The following BLOC1S3 variants were observed in gnomAD, a reference collection of about 807,000 sequenced individuals.
The protein encoded by BLOC1S3 is biogenesis of lysosomal organelles complex 1 subunit 3.
In BLOC1S3, 7 loss-of-function variants were observed where a neutral mutation model predicts 9.1. The ratio of observed to expected loss-of-function variants is 0.77; its 90% CI spans 0.44 to 1.45. The LOEUF (loss-of-function observed/expected upper bound fraction) is 1.45. Among genes scored for constraint, BLOC1S3 ranks in the 40% most tolerant of loss-of-function variants. The pLI is 0.01. For missense variants in BLOC1S3, 307 were observed against 315.2 expected, an observed-to-expected ratio of 0.97 and a Z score of 0.20; for synonymous variants, 145 against 158.4, an observed-to-expected ratio of 0.92 and a Z score of 0.64.
intron 3 of BLOC1S3, among the ~76,000 whole-genome samples, chr19:45,206,848 TTTA>T (rs1969731487): frequency 6.6e-6 from 1 of 152,036 alleles, no homozygotes; most frequent in African/African-American, 2.4e-5. Flanking sequence ...ATTTTATTTA[TTTA>T]TTTATTTGAG....
chr19:45,214,288 C>T (rs1056813080), intron 3 of BLOC1S3, among the ~76,000 whole-genome samples: 3 of 152,146 alleles, frequency 2.0e-5, no homozygotes, highest in Non-Finnish European at 4.4e-5. Context: ...TCATGCCTCA[C>T]TCCTTGTTTT....
chr19:45,206,624 T>A (rs1302494829), intron 3 of BLOC1S3, among the ~76,000 whole-genome samples: 21 of 50,192 alleles, frequency 4.2e-4, no homozygotes, highest in Non-Finnish European at 5.8e-4. Flanking sequence ...CCTAGTTAAA[T>A]TTTTTTTTTT....
intron 3 of BLOC1S3, among the ~76,000 whole-genome samples, chr19:45,204,345 A>G (rs1170594561): frequency 2.6e-5 from 4 of 151,772 alleles, no homozygotes; most frequent in African/African-American, 7.3e-5. Flanking sequence ...ACCCACCACC[A>G]TGCCCCAGCT....
chr19:45,216,376 C>T lies in BLOC1S3; in HGVS notation n.283-300C>T, dbSNP rs543297028. Among the ~76,000 whole-genome samples the T allele has an allele frequency of 6.4e-4, 98 of 152,154 alleles. 1 individual carries two copies. The highest frequency in any genetic ancestry group is 1.2e-3 in the African/African-American group (50 of 41,526). On this transcript the variant is annotated intron_variant and non_coding_transcript_variant, in intron 3 of 3. Transcript: ENST00000591569. Reference sequence around the variant, plus strand: ...GGTGGATCACTAGAGGTCAGGACATCGAGACCAACCTGGCCAGTATGGTGA... The same window carrying T: ...GGTGGATCACTAGAGGTCAGGACATTGAGACCAACCTGGCCAGTATGGTGA...
chr19:45,182,859 A>C (rs1969536128), downstream of BLOC1S3, among the ~76,000 whole-genome samples: 1 of 152,084 alleles, frequency 6.6e-6, no homozygotes, highest in Non-Finnish European at 1.5e-5. Context: ...CACCATGATT[A>C]GAGCCATGAA....
downstream of BLOC1S3, among the ~76,000 whole-genome samples, chr19:45,185,462 C>T (rs985469401): frequency 4.6e-5 from 7 of 152,142 alleles, no homozygotes; most frequent in Non-Finnish European, 1.5e-5. Flanking sequence ...AACACATCAC[C>T]CTCAGATGTG....
intron 2 of BLOC1S3, among the ~76,000 whole-genome samples, chr19:45,189,596 CTT>C (rs71338753): frequency 0.011 from 1,223 of 115,966 alleles, 19 homozygotes; most frequent in African/African-American, 0.038. Flanking sequence ...CCAAGCCTGG[CTT>C]TTTTTTTTTT....
intron 2 of BLOC1S3, among the ~76,000 whole-genome samples, chr19:45,195,555 CTCCT>C (rs1373436914): frequency 7.0e-6 from 1 of 143,482 alleles, no homozygotes; most frequent in Non-Finnish European, 1.5e-5. Context: ...TCCTCCCTCC[CTCCT>C]TCCCTCCCTC....
In BLOC1S3 at chr19:45,179,908, A is replaced by C; in HGVS notation, c.*3A>C. 2 of 1,607,218 alleles carry C rather than the reference A, an allele frequency of 1.2e-6. No homozygotes were observed. The highest frequency in any genetic ancestry group is 2.7e-5 in the African/African-American group (2 of 74,160). ...AAGACCCGGGGCCGCGGGCCTAGCC[A>C]TGATTCTACTTCCCAACCTGACTGC... is the stretch of plus-strand genomic sequence containing the variant. On this transcript the variant is annotated 3_prime_UTR_variant, in exon 2 of 2. Coordinates refer to ENST00000433642, the MANE Select transcript of BLOC1S3 (RefSeq NM_212550.5). This position sits in a 1 kb window ranked among gnomAD's most constrained non-coding sequence, Gnocchi z 4.6.
downstream of BLOC1S3, among the ~76,000 whole-genome samples, chr19:45,185,327 ATTGT>A (rs1421259051): frequency 6.6e-6 from 1 of 152,080 alleles, no homozygotes; most frequent in African/African-American, 2.4e-5. Flanking sequence ...TACTGGGCAA[ATTGT>A]TTGTTGAATG....
chr19:45,213,247 A>G (rs781433775), intron 3 of BLOC1S3: 8 of 1,613,334 alleles, frequency 5.0e-6, no homozygotes, highest in Non-Finnish European at 6.8e-6. Context: ...AGGGGGTGAC[A>G]GGGCTCCCTC....
In BLOC1S3 at chr19:45,194,783, A is replaced by G. The variant is rs548981811; in HGVS notation, n.180+7043A>G. 2.0e-5 allele frequency among the ~76,000 whole-genome samples: 3 copies of G among 152,266 alleles called. No individual in the cohort carries two copies. The South Asian group carries it at 6.2e-4, about 32-fold the overall frequency. On this transcript the variant is annotated intron_variant and non_coding_transcript_variant, in intron 2 of 3. Coordinates refer to the BLOC1S3 transcript ENST00000591569. The stretch of plus-strand genomic sequence containing the variant: ...CATGCTAGGGGTGTTGAAGGTCAGG[A>G]CAGCAGTTAATTGGGGAGGAGGCAA...
At chr19:45,198,307 GT>G (rs1182566720) in intron 2 of BLOC1S3, among the ~76,000 whole-genome samples, 1 of 152,040 alleles carries the variant, frequency 6.6e-6, no homozygotes, top group Non-Finnish European at 1.5e-5. Context: ...GTTTTGTTTT[GT>G]TTTCAGAGTC....
At chr19:45,207,591 G>C (rs1261697442) in intron 3 of BLOC1S3, among the ~76,000 whole-genome samples, 1 of 126,274 alleles carries the variant, frequency 7.9e-6, no homozygotes, top group African/African-American at 2.8e-5. Context: ...AAAAAACCTA[G>C]CTGGGCGTGG....
chr19:45,193,146 A>C (rs1243598240), intron 2 of BLOC1S3, among the ~76,000 whole-genome samples: 2 of 133,228 alleles, frequency 1.5e-5, no homozygotes, highest in African/African-American at 8.1e-5. Flanking sequence ...AAAAAAAAAA[A>C]AAAAAAAAAA....
intron 3 of BLOC1S3, among the ~76,000 whole-genome samples, chr19:45,209,366 ATGTAT>A (rs1473203404): frequency 1.3e-5 from 2 of 151,936 alleles, no homozygotes; most frequent in African/African-American, 4.8e-5. Context: ...GTTAATAACA[ATGTAT>A]TGTATACTTG....
chr19:45,182,287 A>G (rs1251895711), downstream of BLOC1S3, among the ~76,000 whole-genome samples: 1 of 152,106 alleles, frequency 6.6e-6, no homozygotes, highest in East Asian at 1.9e-4. Flanking sequence ...GGGCATGAGA[A>G]TCGCTTGAAC....
intron 3 of BLOC1S3, among the ~76,000 whole-genome samples, chr19:45,210,256 G>C (rs184356341): frequency 0.013 from 1,694 of 125,632 alleles, 15 homozygotes; most frequent in South Asian, 0.029. Flanking sequence ...TTTTTTTATT[G>C]TGCTGAAATA....
At chr19:45,209,488 C>A (rs1371689895) in intron 3 of BLOC1S3, among the ~76,000 whole-genome samples, 1 of 152,136 alleles carries the variant, frequency 6.6e-6, no homozygotes, top group Non-Finnish European at 1.5e-5. Context: ...GTAATGCAAT[C>A]TCGGCTCACT....
Sources: gnomAD v4.1 joint callset for allele counts (sites outside exome capture counted in the v4.1 genomes callset) on GRCh38, gnomAD v4.1.1 for gene constraint, Gnocchi (gnomAD v3.1) non-coding constraint, MANE v1.5 for transcripts, NCBI Gene and HGNC (gene_info 2026-07-23, HGNC 2026-07-21) for gene names.